RABGEF1: variants seen among roughly 807,000 people sequenced by gnomAD.
The protein encoded by RABGEF1 is rab5 GDP/GTP exchange factor.
In RABGEF1, 26 loss-of-function variants were observed where a neutral mutation model predicts 57.3. That is an observed-to-expected ratio of 0.45 (90% CI 0.33 to 0.63). The LOEUF (loss-of-function observed/expected upper bound fraction) is 0.63. Among genes scored for constraint, RABGEF1 ranks in the 20% least tolerant of loss-of-function variants. The probability of loss-of-function intolerance (pLI) is 0.02; values close to 1 mark genes in which losing one functional copy is unlikely to be tolerated. For missense variants in RABGEF1, 464 were observed against 607.6 expected, an observed-to-expected ratio of 0.76 and a Z score of 2.48; for synonymous variants, 185 against 210.7, an observed-to-expected ratio of 0.88 and a Z score of 1.06.
intron 5 of RABGEF1, 68 bp downstream of exon 5, chr7:66,795,660 T>C: frequency 7.2e-7 from 1 of 1,393,440 alleles, no homozygotes; most frequent in Non-Finnish European, 1.0e-6. Flanking sequence ...TCTTAGCAAT[T>C]TCTTTCTTTC....
chr7:66,678,390 C>T (rs1789440351), upstream of RABGEF1, among the ~76,000 whole-genome samples: 2 of 151,616 alleles, frequency 1.3e-5, no homozygotes, highest in South Asian at 4.2e-4. Flanking sequence ...ACGGTGAAAC[C>T]CTGTTTCTAC....
intron 2 of RABGEF1, among the ~76,000 whole-genome samples, chr7:66,718,608 A>G (rs990848431): frequency 6.6e-6 from 1 of 152,172 alleles, no homozygotes; most frequent in African/African-American, 2.4e-5. Context: ...TCAAGCTGCA[A>G]CTTCCTACCT....
intron 4 of RABGEF1, among the ~76,000 whole-genome samples, chr7:66,786,072 T>C (rs1228478739): frequency 1.3e-5 from 2 of 152,160 alleles, no homozygotes; most frequent in African/African-American, 2.4e-5. Flanking sequence ...CATCCCACAG[T>C]ATTATTCTTT....
chr7:66,701,767 T>C (rs1356549620), intron 1 of RABGEF1, among the ~76,000 whole-genome samples: 4 of 152,076 alleles, frequency 2.6e-5, no homozygotes. Flanking sequence ...CTCAGCCTCA[T>C]TTATATTGAT....
chr7:66,776,755 T>G (rs573868647), intron 3 of RABGEF1, among the ~76,000 whole-genome samples: 30 of 152,282 alleles, frequency 2.0e-4, no homozygotes, highest in African/African-American at 7.2e-4. Flanking sequence ...GTTTCTTGGT[T>G]GGCTGCCAGT....
intron 1 of RABGEF1, among the ~76,000 whole-genome samples, chr7:66,753,700 C>CG (rs1764210378): frequency 1.3e-5 from 1 of 78,510 alleles, no homozygotes; most frequent in Non-Finnish European, 2.8e-5. Flanking sequence ...ATTTTGCCAT[C>CG]GTTTTTTTTT....
At chr7:66,662,065 G>A in the RABGEF1 span, among the ~76,000 whole-genome samples, 1 of 152,012 alleles carries the variant, frequency 6.6e-6, no homozygotes, top group African/African-American at 2.4e-5. Flanking sequence ...GTGAAACCCC[G>A]TCTCTACTAA....
chr7:66,728,816 C>G (rs375606817), intron 2 of RABGEF1, among the ~76,000 whole-genome samples: 5 of 145,016 alleles, frequency 3.4e-5, no homozygotes, highest in African/African-American at 1.0e-4. Context: ...ACCTTCACCT[C>G]CATCCTCAAG....
the RABGEF1 span, among the ~76,000 whole-genome samples, chr7:66,655,409 G>A: frequency 6.6e-6 from 1 of 152,188 alleles, no homozygotes; most frequent in Non-Finnish European, 1.5e-5. Context: ...GTGGGCGCCC[G>A]TGGACTCGTT....
At chr7:66,697,326 A>G (rs1181846483) in intron 1 of RABGEF1, among the ~76,000 whole-genome samples, 1 of 152,142 alleles carries the variant, frequency 6.6e-6, no homozygotes, top group African/African-American at 2.4e-5. Flanking sequence ...GTGGCGTCTC[A>G]CAAGTCTTGC....
chr7:66,700,493 G>A (rs991758598), intron 1 of RABGEF1, among the ~76,000 whole-genome samples: 3 of 152,114 alleles, frequency 2.0e-5, no homozygotes, highest in African/African-American at 7.2e-5. Flanking sequence ...GCCCCGGAGG[G>A]GGAGGTAGGG....
chr7:66,659,047 C>T, the RABGEF1 span, among the ~76,000 whole-genome samples: 1 of 152,094 alleles, frequency 6.6e-6, no homozygotes, highest in East Asian at 1.9e-4. Context: ...GAGAAGGAAA[C>T]ACTAACTCAT....
chr7:66,768,672 C>T (rs926337756), intron 1 of RABGEF1, among the ~76,000 whole-genome samples: 4 of 152,160 alleles, frequency 2.6e-5, no homozygotes, highest in African/African-American at 9.7e-5. Context: ...GTGGTCTCTC[C>T]ATTAGTTCCA....
chr7:66,775,234 C>T lies in RABGEF1; in HGVS notation c.187C>T (p.Arg63Trp). The T allele has an allele frequency of 2.5e-6, 4 of 1,612,052 alleles. No homozygotes were observed. Among genetic ancestry groups the T allele is most frequent in the Non-Finnish European group, 3.4e-6 (4 of 1,179,140 alleles). Residue 63 changes from arginine to tryptophan, a missense_variant, in exon 3 of 9, where the codon CGG (arginine) becomes TGG (tryptophan). Coordinates refer to ENST00000284957, the MANE Select transcript of RABGEF1 (RefSeq NM_014504.3). ...TCCTCTCTTGAATTGCAGACTCCAGCGGGAGGAAGAAGAGGCCTTTGCCAG... is the reference window on the plus strand; with the variant it reads ...TCCTCTCTTGAATTGCAGACTCCAGTGGGAGGAAGAAGAGGCCTTTGCCAG... ...EDWELAERLQREEEEAFASSQ... is the reference protein window; with the variant it reads ...EDWELAERLQWEEEEAFASSQ...
intron 4 of RABGEF1, among the ~76,000 whole-genome samples, chr7:66,790,308 A>G (rs1185463191): frequency 1.3e-5 from 2 of 152,228 alleles, no homozygotes; most frequent in Non-Finnish European, 2.9e-5. Flanking sequence ...TGTCAGAGCC[A>G]AGTTCCACCC....
At chr7:66,742,792 A>G (rs1317926351) in intron 1 of RABGEF1, among the ~76,000 whole-genome samples, 2 of 152,040 alleles carry the variant, frequency 1.3e-5, no homozygotes, top group African/African-American at 2.4e-5. Flanking sequence ...TATTTTGTAA[A>G]GATGTTGTCT....
At chr7:66,712,823 CTT>C (rs199734132) in intron 2 of RABGEF1, among the ~76,000 whole-genome samples, 1 of 140,332 alleles carries the variant, frequency 7.1e-6, no homozygotes, top group Non-Finnish European at 1.6e-5. Context: ...ATTTCCTTTC[CTT>C]TTTTTTTTTG....
the RABGEF1 span, among the ~76,000 whole-genome samples, chr7:66,670,327 G>A: frequency 1.2e-4 from 18 of 150,592 alleles, no homozygotes; most frequent in African/African-American, 4.4e-4. Flanking sequence ...AAACTTTTTT[G>A]TTTGAGATGG....
intron 4 of RABGEF1, among the ~76,000 whole-genome samples, chr7:66,785,134 C>T (rs1486145670): frequency 6.6e-6 from 1 of 152,094 alleles, no homozygotes; most frequent in Non-Finnish European, 1.5e-5. Context: ...TGTTCTTACT[C>T]TGTAATAATT....
Sources: gnomAD v4.1 joint callset for allele counts (sites outside exome capture counted in the v4.1 genomes callset) on GRCh38, gnomAD v4.1.1 for gene constraint, MANE v1.5 for transcripts, NCBI Gene and HGNC (gene_info 2026-07-23, HGNC 2026-07-21) for gene names.